The following SAMD12 variants were observed in gnomAD, a reference collection of about 807,000 sequenced individuals.
SAMD12 encodes the protein sterile alpha motif domain containing 12, also known as sterile alpha motif domain-containing protein 12.
In SAMD12, 9 loss-of-function variants were observed where a neutral mutation model predicts 15.0. The observed-to-expected ratio is 0.60, with a 90% CI of 0.36 to 1.05. The LOEUF is 1.05. SAMD12 is among the 50% of genes least tolerant of loss of function. The probability of loss-of-function intolerance (pLI) is 0.01; values close to 1 mark genes in which losing one functional copy is unlikely to be tolerated. For missense variants in SAMD12, 230 were observed against 234.2 expected (o/e 0.98, Z 0.12); for synonymous variants, 86 against 90.1 (o/e 0.96, Z 0.25).
chr8:118,600,942 C>T (rs544522945), intron 1 of SAMD12, among the ~76,000 whole-genome samples: 7 of 152,052 alleles, frequency 4.6e-5, no homozygotes, highest in South Asian at 4.2e-4. Flanking sequence ...CTCCTTATTC[C>T]GACTCATGAC....
rs1370642668 is a variant in SAMD12, at chr8:118,489,876, A to G, written c.193-49915T>C. On this transcript the variant is annotated intron_variant, in intron 2 of 3. Coordinates refer to ENST00000314727, the MANE Select transcript of SAMD12 (RefSeq NM_207506.3). Reference sequence around the variant, plus strand: ...AAAACAACTACACAAATTATTTGTTATTACTAGGATATTGAGATCCTGGTG... The same window carrying G: ...AAAACAACTACACAAATTATTTGTTGTTACTAGGATATTGAGATCCTGGTG... Among the ~76,000 whole-genome samples the G allele has an allele frequency of 2.0e-5, 3 of 152,108 alleles. No individual in the cohort carries two copies. In the East Asian group the frequency reaches 5.8e-4, roughly 29 times the overall value.
chr8:118,600,301 A>T (rs1188703704), intron 1 of SAMD12, among the ~76,000 whole-genome samples: 1 of 152,084 alleles, frequency 6.6e-6, no homozygotes, highest in Non-Finnish European at 1.5e-5. Context: ...AAAAAACTAC[A>T]TTTAGAGTAT....
intron 2 of SAMD12, among the ~76,000 whole-genome samples, chr8:118,467,980 C>T (rs59704871): frequency 0.024 from 3,625 of 152,294 alleles, 106 homozygotes; most frequent in African/African-American, 0.067. Flanking sequence ...TTTATCCATC[C>T]AATGGGAGAT....
At chr8:118,555,788 C>T (rs192240657) in intron 2 of SAMD12, among the ~76,000 whole-genome samples, 1 of 152,146 alleles carries the variant, frequency 6.6e-6, no homozygotes, top group Non-Finnish European at 1.5e-5. Context: ...GAGAAACAAA[C>T]CATCAGAAAG....
At chr8:118,510,378 G>C (rs568577455) in intron 2 of SAMD12, among the ~76,000 whole-genome samples, 1 of 152,096 alleles carries the variant, frequency 6.6e-6, no homozygotes, top group African/African-American at 2.4e-5. Flanking sequence ...AAACAAGGAG[G>C]TATTTCATTT....
At chr8:118,580,953 C>T in intron 1 of SAMD12, 60 bp from the exon 2 acceptor site, 1 of 1,344,962 alleles carries the variant, frequency 7.4e-7, no homozygotes, top group Non-Finnish European at 1.0e-6. Context: ...GTGTCCATGA[C>T]AGAAAATATT....
chr8:118,186,189 G>A (rs1819240622), downstream of SAMD12, among the ~76,000 whole-genome samples: 1 of 152,166 alleles, frequency 6.6e-6, no homozygotes. Flanking sequence ...TATTTTCAGA[G>A]CTGACTTGAT....
At chr8:118,516,351 T>C (rs1825243693) in intron 2 of SAMD12, among the ~76,000 whole-genome samples, 2 of 152,246 alleles carry the variant, frequency 1.3e-5, no homozygotes, top group South Asian at 4.1e-4. Flanking sequence ...GCTATTGTGA[T>C]GATATCTCAA....
chr8:118,277,356 A>T (rs771644939), intron 4 of SAMD12, among the ~76,000 whole-genome samples: 5 of 152,110 alleles, frequency 3.3e-5, no homozygotes, highest in Non-Finnish European at 7.3e-5. Context: ...CTTTCTATCT[A>T]TCTATCATCT....
chr8:118,457,084 C>T (rs906886060), intron 2 of SAMD12, among the ~76,000 whole-genome samples: 4 of 152,172 alleles, frequency 2.6e-5, no homozygotes, highest in Non-Finnish European at 5.9e-5. Context: ...AAATGTAAAA[C>T]ATTCTGTTCA....
intron 4 of SAMD12, among the ~76,000 whole-genome samples, chr8:118,347,730 G>A (rs1283114439): frequency 6.6e-6 from 1 of 152,142 alleles, no homozygotes; most frequent in Non-Finnish European, 1.5e-5. Flanking sequence ...TGGACTAAAT[G>A]GATAAACTTC....
chr8:118,192,837 T>C (rs1309723852), exon 5 of SAMD12: 4 of 152,204 alleles, frequency 2.6e-5, no homozygotes, highest in Non-Finnish European at 5.9e-5. Context: ...ATTAAGTATA[T>C]GCTGTTGGTG....
chr8:118,505,449 TG>T (rs1220802523), intron 2 of SAMD12, among the ~76,000 whole-genome samples: 8 of 152,048 alleles, frequency 5.3e-5, no homozygotes, highest in Non-Finnish European at 1.5e-5. Context: ...GAAGTGAAGT[TG>T]TTAGGTTGGC....
rs1281638843 is a variant in SAMD12, at chr8:118,580,695, T to C, written c.192+20A>G. On this transcript the variant is annotated intron_variant, in intron 2 of 3. Coordinates refer to ENST00000314727, the MANE Select transcript of SAMD12 (RefSeq NM_207506.3). ...GGCTGCAGCTTTCAAATCTCCGTAA[T>C]TAACTGGAATATTACGCACCTTAGC... 6.3e-7 allele frequency: 1 copy of C among 1,592,410 alleles called. No individual in the cohort carries two copies. Among genetic ancestry groups the C allele is most frequent in the African/African-American group, 1.4e-5 (1 of 74,026 alleles).
chr8:118,233,911 G>A (rs7816518), intron 4 of SAMD12, among the ~76,000 whole-genome samples: 9,549 of 152,198 alleles, frequency 0.063, 668 homozygotes, highest in East Asian at 0.15. Flanking sequence ...CCACTCAAAT[G>A]GCAGCCTTCA....
chr8:118,284,492 C>T (rs766490201), intron 4 of SAMD12: 19 of 368,440 alleles, frequency 5.2e-5, no homozygotes, highest in Non-Finnish European at 9.2e-5. Flanking sequence ...CTGAAATAGT[C>T]CCTCTTACTC....
intron 4 of SAMD12, among the ~76,000 whole-genome samples, chr8:118,203,986 A>C (rs1819790816): frequency 6.6e-6 from 1 of 151,984 alleles, no homozygotes; most frequent in Non-Finnish European, 1.5e-5. Flanking sequence ...AAAATAGGCC[A>C]AGATAAAAAC....
intron 1 of SAMD12, among the ~76,000 whole-genome samples, chr8:118,594,160 A>T (rs1438858882): frequency 2.6e-5 from 4 of 151,992 alleles, no homozygotes; most frequent in African/African-American, 7.2e-5. Flanking sequence ...GTTTACTAAA[A>T]TAGTGGCTCC....
chr8:118,167,061 T>C, the SAMD12 span, among the ~76,000 whole-genome samples: 1 of 152,144 alleles, frequency 6.6e-6, no homozygotes, highest in South Asian at 2.1e-4. Flanking sequence ...GGAGAGTGGG[T>C]ACTCTTCCCT....
Sources: gnomAD v4.1 joint callset for allele counts (sites outside exome capture counted in the v4.1 genomes callset) on GRCh38, gnomAD v4.1.1 for gene constraint, MANE v1.5 for transcripts, NCBI Gene and HGNC (gene_info 2026-07-23, HGNC 2026-07-21) for gene names.